Variants in ERG observed in about 807,000 individuals in gnomAD.
ERG encodes ETS transcription factor ERG.
In ERG, 9 loss-of-function variants were observed where a neutral mutation model predicts 55.3. The ratio of observed to expected loss-of-function variants is 0.16; its 90% CI spans 0.10 to 0.28. ERG has a LOEUF of 0.28. Among genes scored for constraint, ERG ranks in the 10% least tolerant of loss-of-function variants. The probability of loss-of-function intolerance (pLI) is 1.00; values close to 1 mark genes in which losing one functional copy is unlikely to be tolerated. For missense variants in ERG, 434 were observed against 631.6 expected (o/e 0.69, Z 3.35); for synonymous variants, 223 against 237.3 (o/e 0.94, Z 0.55).
intron 1 of ERG, among the ~76,000 whole-genome samples, chr21:38,601,013 C>A (rs2060161490): frequency 6.6e-6 from 1 of 152,308 alleles, no homozygotes; most frequent in Non-Finnish European, 1.5e-5. Flanking sequence ...CTGGGCATTA[C>A]AATCAGGTTT....
chr21:38,418,273 G>GGGTGTGTGTGTT (rs1351527484), intron 3 of ERG, among the ~76,000 whole-genome samples: 33 of 120,418 alleles, frequency 2.7e-4, no homozygotes, highest in African/African-American at 8.0e-4. Flanking sequence ...ATTTGGAAGT[G>GGGTGTGTGTGTT]TGTGTGTGTG....
intron 2 of ERG, among the ~76,000 whole-genome samples, chr21:38,542,167 G>T (rs115498139): frequency 0.013 from 1,936 of 152,044 alleles, 49 homozygotes; most frequent in African/African-American, 0.044. Context: ...TTACATTTTT[G>T]GTAGAGATGA....
chr21:38,434,756 A>T (rs1391227767), intron 2 of ERG, among the ~76,000 whole-genome samples: 2 of 152,206 alleles, frequency 1.3e-5, no homozygotes, highest in Non-Finnish European at 2.9e-5. Context: ...CCCTGAGATG[A>T]TGCCTGTGAA....
intron 1 of ERG, among the ~76,000 whole-genome samples, chr21:38,604,064 C>T (rs1255876499): frequency 1.3e-5 from 2 of 150,580 alleles, no homozygotes; most frequent in South Asian, 2.1e-4. Flanking sequence ...CTGGCTAACA[C>T]GGTGAAACCC....
chr21:38,455,413 A>G (rs1177061512), intron 1 of ERG, among the ~76,000 whole-genome samples: 1 of 152,096 alleles, frequency 6.6e-6, no homozygotes, highest in Non-Finnish European at 1.5e-5. Flanking sequence ...GGAGTAGCAA[A>G]GTTGCTTGCA....
intron 1 of ERG, among the ~76,000 whole-genome samples, chr21:38,644,439 T>G (rs1158896092): frequency 6.6e-6 from 1 of 152,212 alleles, no homozygotes; most frequent in Non-Finnish European, 1.5e-5. Flanking sequence ...CATTTGGGTG[T>G]GATTTCTTAG....
At chr21:38,397,490 C>T (rs149197414) in intron 6 of ERG, among the ~76,000 whole-genome samples, 2 of 147,440 alleles carry the variant, frequency 1.4e-5, no homozygotes, top group East Asian at 4.2e-4. Flanking sequence ...CCCAGCTACT[C>T]GGGAGGCTGA....
At chr21:38,401,638 G>A (rs1374834487) in intron 5 of ERG, among the ~76,000 whole-genome samples, 1 of 152,146 alleles carries the variant, frequency 6.6e-6, no homozygotes, top group Non-Finnish European at 1.5e-5. Flanking sequence ...GAGTTAACTG[G>A]CTGACTTGCA....
chr21:38,535,814 T>G (rs2146782800), intron 2 of ERG, among the ~76,000 whole-genome samples: 1 of 152,342 alleles, frequency 6.6e-6, no homozygotes, highest in Middle Eastern at 3.4e-3. Context: ...CGTGCTTGAT[T>G]ATCATACAGC....
intron 2 of ERG, among the ~76,000 whole-genome samples, chr21:38,435,116 G>A (rs1327082103): frequency 2.0e-5 from 3 of 152,160 alleles, no homozygotes; most frequent in African/African-American, 7.2e-5. Context: ...AGTTCTGCGA[G>A]AGAACCCCCA....
intron 9 of ERG, among the ~76,000 whole-genome samples, chr21:38,385,741 A>G (rs1296646574): frequency 6.6e-6 from 1 of 152,242 alleles, no homozygotes; most frequent in Non-Finnish European, 1.5e-5. Flanking sequence ...TGCCTCCAAC[A>G]TTTTATTAAT....
At chr21:38,447,937 C>T (rs1242958578) in intron 1 of ERG, among the ~76,000 whole-genome samples, 1 of 152,016 alleles carries the variant, frequency 6.6e-6, no homozygotes, top group Non-Finnish European at 1.5e-5. Context: ...AAGAAACAGG[C>T]TAAATTTAAA....
At chr21:38,374,996 C>T in the ERG span, among the ~76,000 whole-genome samples, 1 of 152,100 alleles carries the variant, frequency 6.6e-6, no homozygotes, top group Non-Finnish European at 1.5e-5. Context: ...GAAATATCAC[C>T]TCCTTCAATA....
intron 1 of ERG, among the ~76,000 whole-genome samples, chr21:38,649,393 G>A (rs1161764129): frequency 5.9e-5 from 9 of 152,134 alleles, no homozygotes; most frequent in Admixed American, 2.0e-4. Context: ...CCTTCCCTGC[G>A]AGCCACATGG....
At chr21:38,638,128 C>T (rs2060401549) in intron 1 of ERG, among the ~76,000 whole-genome samples, 1 of 152,332 alleles carries the variant, frequency 6.6e-6, no homozygotes, top group Middle Eastern at 3.4e-3. Context: ...CTCCTCCGAT[C>T]TGGGTGCGCC....
upstream of ERG, among the ~76,000 whole-genome samples, chr21:38,501,777 C>T (rs1601146460): frequency 6.6e-6 from 1 of 152,350 alleles, no homozygotes; most frequent in African/African-American, 2.4e-5. Context: ...ACACATTTCC[C>T]TTGCATGCTT....
intron 7 of ERG, among the ~76,000 whole-genome samples, chr21:38,392,005 C>T (rs1404586861): frequency 1.3e-5 from 2 of 150,526 alleles, no homozygotes; most frequent in Non-Finnish European, 3.0e-5. Context: ...TACAATAAAT[C>T]ATAGTCTAAG....
chr21:38,399,813 C>T (rs550787556), intron 6 of ERG, among the ~76,000 whole-genome samples: 1 of 152,258 alleles, frequency 6.6e-6, no homozygotes, highest in South Asian at 2.1e-4. Flanking sequence ...TTAGGGAAAA[C>T]ATTTATGTGT....
intron 1 of ERG, among the ~76,000 whole-genome samples, chr21:38,458,470 G>T (rs957658564): frequency 6.6e-6 from 1 of 151,266 alleles, no homozygotes; most frequent in Non-Finnish European, 1.5e-5. Flanking sequence ...GGCCAGTCAG[G>T]CTCCCATGGG....
Sources: allele counts gnomAD v4.1 joint callset (sites outside exome capture counted in the v4.1 genomes callset), GRCh38; gene constraint gnomAD v4.1.1; transcripts MANE v1.5; gene names NCBI Gene and HGNC (gene_info 2026-07-23, HGNC 2026-07-21).